Variants in ANOS1 observed in about 807,000 individuals in gnomAD.
ANOS1 encodes the protein anosmin-1.
In ANOS1, 6 loss-of-function variants were observed where a neutral mutation model predicts 59.0. The observed-to-expected ratio is 0.10, with a 90% CI of 0.06 to 0.20. ANOS1 has a LOEUF of 0.20. Among genes scored for constraint, ANOS1 ranks in the 10% least tolerant of loss-of-function variants. The pLI, the probability that ANOS1 is intolerant of heterozygous loss-of-function variation, is 1.00. For synonymous variants in ANOS1, 217 were observed against 223.4 expected (o/e 0.97, Z 0.25); for missense variants, 433 against 542.3 (o/e 0.80, Z 2.00).
chrX:8,565,312 C>T (rs182106472), intron 8 of ANOS1, among the ~76,000 whole-genome samples: 24 of 111,669 alleles, frequency 2.1e-4, no homozygotes, highest in African/African-American at 6.8e-4. Context: ...ACAGCTCTTG[C>T]ATGAAGCTGA....
chrX:8,663,308 TTC>T (rs1193946971), intron 2 of ANOS1, among the ~76,000 whole-genome samples: 1 of 112,128 alleles, frequency 8.9e-6, no homozygotes, highest in Non-Finnish European at 1.9e-5. Context: ...TCAAAAAACA[TTC>T]TGTTTCTTTG....
At chrX:8,568,739 T>A (rs1930165858) in intron 7 of ANOS1, among the ~76,000 whole-genome samples, 1 of 110,803 alleles carries the variant, frequency 9.0e-6, no homozygotes, top group Non-Finnish European at 1.9e-5. Context: ...GTGAGAAGAT[T>A]GAACCCAGGA....
chrX:8,671,199 G>T (rs1932248375), intron 2 of ANOS1, among the ~76,000 whole-genome samples: 1 of 111,642 alleles, frequency 9.0e-6, no homozygotes, highest in Non-Finnish European at 1.9e-5. Context: ...CCTGTCGCCA[G>T]GTGTCCTGTC....
At chrX:8,711,977 C>T (rs780009134) in intron 1 of ANOS1, among the ~76,000 whole-genome samples, 2 of 112,637 alleles carry the variant, frequency 1.8e-5, no homozygotes, top group East Asian at 5.6e-4. Flanking sequence ...CTGTCAAGTG[C>T]TATTCTTAGT....
chrX:8,534,810 G>C (rs1929562279), intron 12 of ANOS1, among the ~76,000 whole-genome samples: 1 of 111,639 alleles, frequency 9.0e-6, no homozygotes, highest in Admixed American at 9.5e-5. Context: ...TGCACATCTT[G>C]TGATGTGAAC....
intron 8 of ANOS1, among the ~76,000 whole-genome samples, chrX:8,559,717 T>C (rs1033433127): frequency 2.3e-4 from 26 of 112,402 alleles, no homozygotes; most frequent in Non-Finnish European, 7.5e-5. Context: ...GGACCAGCAC[T>C]ACTTGTTTCT....
intron 3 of ANOS1, among the ~76,000 whole-genome samples, chrX:8,597,780 TCCTG>T (rs1158866189): frequency 2.0e-5 from 2 of 100,078 alleles, no homozygotes; most frequent in Non-Finnish European, 4.0e-5. Context: ...CAGGCAATCC[TCCTG>T]CCTCAGCCTC....
intron 3 of ANOS1, among the ~76,000 whole-genome samples, chrX:8,600,068 G>A (rs952333799): frequency 9.8e-5 from 11 of 111,844 alleles, no homozygotes; most frequent in African/African-American, 2.9e-4. Context: ...CAATTTCAAC[G>A]TAAATGATTC....
chrX:8,708,117 G>A (rs552653273), intron 1 of ANOS1, among the ~76,000 whole-genome samples: 1 of 112,166 alleles, frequency 8.9e-6, no homozygotes, highest in South Asian at 3.8e-4. Flanking sequence ...CCAGCTACTC[G>A]GGAGGCTGTG....
intron 2 of ANOS1, among the ~76,000 whole-genome samples, chrX:8,628,406 C>G (rs1486794734): frequency 8.9e-6 from 1 of 111,935 alleles, no homozygotes; most frequent in African/African-American, 3.2e-5. Context: ...CCCTTTTATT[C>G]CTTTACTTTC....
At chrX:8,552,128 C>A (rs747834216) in intron 9 of ANOS1, among the ~76,000 whole-genome samples, 1 of 111,890 alleles carries the variant, frequency 8.9e-6, no homozygotes, top group African/African-American at 3.2e-5. Flanking sequence ...CAGAAAAATG[C>A]GAATTCAAAT....
chrX:8,577,096 G>A (rs1010126110), intron 6 of ANOS1, among the ~76,000 whole-genome samples: 1 of 111,747 alleles, frequency 8.9e-6, no homozygotes, highest in African/African-American at 3.3e-5. Context: ...TGGACCCTGG[G>A]CCACAGACTG....
At chrX:8,691,500 G>A (rs189300186) in intron 2 of ANOS1, among the ~76,000 whole-genome samples, 1 of 100,247 alleles carries the variant, frequency 1.0e-5, no homozygotes, top group Non-Finnish European at 2.0e-5. Context: ...GACAGATTAA[G>A]ATGGATGGAT....
chrX:8,612,153 A>G (rs909909134), intron 3 of ANOS1, among the ~76,000 whole-genome samples: 1 of 112,072 alleles, frequency 8.9e-6, no homozygotes, highest in Non-Finnish European at 1.9e-5. Flanking sequence ...CAAAAAATTT[A>G]AAAGGATAGA....
At chrX:8,563,240 T>C (rs1930060028) in intron 8 of ANOS1, among the ~76,000 whole-genome samples, 1 of 112,417 alleles carries the variant, frequency 8.9e-6, no homozygotes, top group Non-Finnish European at 1.9e-5. Flanking sequence ...GAATCAGTCC[T>C]GAGAATAAAG....
At chrX:8,630,481 A>C (rs1390650442) in intron 2 of ANOS1, among the ~76,000 whole-genome samples, 1 of 112,135 alleles carries the variant, frequency 8.9e-6, no homozygotes, top group Non-Finnish European at 1.9e-5. Flanking sequence ...AAGAAATGAA[A>C]AAAAGGATAT....
Position 8,610,086 on chromosome X carries a change from A to G in ANOS1, c.319-12830T>C, listed in dbSNP as rs189198238. 1.2e-4 allele frequency among the ~76,000 whole-genome samples: 13 copies of G among 108,465 alleles called. No homozygotes were observed. In the East Asian group the frequency reaches 3.1e-3, roughly 26 times the overall value. 94.2% of individuals were successfully genotyped at this position (108,465 alleles called of 115,157 possible). ...TTTCTTCAGTGAATAATATTTTTCAAAACCTACATTGACATGGTTAAATTC... is the reference window on the plus strand; with the variant it reads ...TTTCTTCAGTGAATAATATTTTTCAGAACCTACATTGACATGGTTAAATTC... On this transcript the variant is annotated intron_variant, in intron 3 of 13. Coordinates refer to ENST00000262648, the MANE Select transcript of ANOS1 (RefSeq NM_000216.4).
chrX:8,701,335 AAAG>A (rs1932754652), intron 1 of ANOS1, among the ~76,000 whole-genome samples: 1 of 112,490 alleles, frequency 8.9e-6, no homozygotes, highest in African/African-American at 3.2e-5. Context: ...AGTTATGAGA[AAAG>A]AAAATTGAAC....
intron 1 of ANOS1, among the ~76,000 whole-genome samples, chrX:8,730,621 C>T (rs1433439209): frequency 3.3e-5 from 3 of 90,262 alleles, no homozygotes; most frequent in Admixed American, 2.8e-4. Context: ...GCAGGAGGGG[C>T]GCCCAGTTTA....
Sources: gnomAD v4.1 joint callset for allele counts (sites outside exome capture counted in the v4.1 genomes callset) on GRCh38, gnomAD v4.1.1 for gene constraint, MANE v1.5 for transcripts, NCBI Gene and HGNC (gene_info 2026-07-23, HGNC 2026-07-21) for gene names.